Variants in PACRG observed in about 807,000 individuals in gnomAD.
The protein encoded by PACRG is parkin coregulated gene protein.
Under a neutral mutation model 29.7 loss-of-function variants are expected in PACRG, and 29 were observed. The observed-to-expected ratio is 0.98, with a 90% CI of 0.73 to 1.33. The LOEUF is 1.33. Ranked by LOEUF, PACRG falls within the 40% of genes most tolerant of loss-of-function variation. PACRG has a pLI of 0.00. For missense variants in PACRG, 279 were observed against 316.2 expected, an observed-to-expected ratio of 0.88 and a Z score of 0.89; for synonymous variants, 116 against 118.7, an observed-to-expected ratio of 0.98 and a Z score of 0.15.
At chr6:162,958,188 T>G (rs1463630560) in intron 2 of PACRG, among the ~76,000 whole-genome samples, 1 of 152,166 alleles carries the variant, frequency 6.6e-6, no homozygotes, top group Non-Finnish European at 1.5e-5. Context: ...GCTTTGGAGG[T>G]AGTGCTTTGC....
chr6:162,784,772 G>A (rs1011897183), intron 1 of PACRG, among the ~76,000 whole-genome samples: 5 of 152,148 alleles, frequency 3.3e-5, no homozygotes, highest in African/African-American at 1.2e-4. Context: ...CTGAGACTGT[G>A]GCTCTAGAGC....
intron 3 of PACRG, among the ~76,000 whole-genome samples, chr6:163,076,912 A>G (rs1812600762): frequency 6.6e-6 from 1 of 152,166 alleles, no homozygotes. Flanking sequence ...CACTTAGAAC[A>G]TAATGTTAGA....
At chr6:162,958,882 TATAGAGAGAGAGAGAGAGAG>T (rs1193260570) in intron 2 of PACRG, among the ~76,000 whole-genome samples, 11 of 15,114 alleles carry the variant, frequency 7.3e-4, no homozygotes, top group South Asian at 3.3e-3. Context: ...TATATATATA[TATAGAGAGAGAGAGAGAGAG>T]AGAGAGAGAG....
At chr6:163,293,050 ATTAT>A (rs750091246) in intron 4 of PACRG, among the ~76,000 whole-genome samples, 1 of 152,150 alleles carries the variant, frequency 6.6e-6, no homozygotes, top group Non-Finnish European at 1.5e-5. Context: ...GTATCCAGGG[ATTAT>A]TTGAGTCACC....
intron 2 of PACRG, among the ~76,000 whole-genome samples, chr6:162,965,707 T>C (rs1468431621): frequency 6.6e-6 from 1 of 152,128 alleles, no homozygotes; most frequent in African/African-American, 2.4e-5. Flanking sequence ...GAGTAAGGAA[T>C]GGATTATAGT....
chr6:162,932,124 T>TA (rs2128106996), intron 2 of PACRG, among the ~76,000 whole-genome samples: 1 of 152,028 alleles, frequency 6.6e-6, no homozygotes. Context: ...TGGATGCATC[T>TA]AAAAAAAGTA....
chr6:163,266,603 G>A (rs978292853), intron 4 of PACRG, among the ~76,000 whole-genome samples: 1 of 152,120 alleles, frequency 6.6e-6, no homozygotes, highest in African/African-American at 2.4e-5. Flanking sequence ...TCCTTCTCCT[G>A]ATTTTTTTGC....
intron 2 of PACRG, among the ~76,000 whole-genome samples, chr6:162,965,256 G>A (rs1800933112): frequency 6.6e-6 from 1 of 152,194 alleles, no homozygotes; most frequent in Non-Finnish European, 1.5e-5. Context: ...TGATGGCAGA[G>A]ACACCAGAAA....
chr6:163,128,895 C>T (rs1363812791), intron 4 of PACRG, among the ~76,000 whole-genome samples: 2 of 152,102 alleles, frequency 1.3e-5, no homozygotes, highest in Admixed American at 1.3e-4. Flanking sequence ...AATAAAAAAG[C>T]CCAGTGACAA....
chr6:162,919,962 G>T (rs1796952966), intron 2 of PACRG, among the ~76,000 whole-genome samples: 1 of 152,072 alleles, frequency 6.6e-6, no homozygotes, highest in African/African-American at 2.4e-5. Flanking sequence ...TGATCTCTCT[G>T]CCATGCCCAG....
At chr6:163,267,798 T>C (rs1029476198) in intron 4 of PACRG, among the ~76,000 whole-genome samples, 2 of 152,200 alleles carry the variant, frequency 1.3e-5, no homozygotes, top group Non-Finnish European at 2.9e-5. Context: ...ATACGGTCCC[T>C]AATAAATTAT....
intron 4 of PACRG, among the ~76,000 whole-genome samples, chr6:163,263,957 A>G (rs1783432292): frequency 6.6e-6 from 1 of 152,162 alleles, no homozygotes; most frequent in African/African-American, 2.4e-5. Context: ...AATATTTTGC[A>G]ATTTCCAAAG....
chr6:162,947,038 C>T (rs942510816), intron 2 of PACRG, among the ~76,000 whole-genome samples: 2 of 151,752 alleles, frequency 1.3e-5, no homozygotes, highest in African/African-American at 4.8e-5. Flanking sequence ...TGGGCAAAAG[C>T]TGGAAGCATT....
chr6:163,311,938 C>G (rs897398718), intron 4 of PACRG, among the ~76,000 whole-genome samples: 1 of 151,922 alleles, frequency 6.6e-6, no homozygotes, highest in Admixed American at 6.6e-5. Flanking sequence ...TTCCCTCCAT[C>G]AGGAAAATAT....
At chr6:162,798,622 A>G (rs1367335119) in intron 1 of PACRG, among the ~76,000 whole-genome samples, 1 of 152,200 alleles carries the variant, frequency 6.6e-6, no homozygotes, top group African/African-American at 2.4e-5. Flanking sequence ...TAGAAATTAT[A>G]TTAACTTTTG....
At chr6:163,094,141 T>C (rs1814360098) in intron 4 of PACRG, among the ~76,000 whole-genome samples, 2 of 152,202 alleles carry the variant, frequency 1.3e-5, no homozygotes, top group Non-Finnish European at 2.9e-5. Context: ...GGGAATGGAT[T>C]ACCAAACAAC....
chr6:163,032,446 T>G (rs1213147860), intron 2 of PACRG, among the ~76,000 whole-genome samples: 2 of 152,180 alleles, frequency 1.3e-5, no homozygotes, highest in Non-Finnish European at 2.9e-5. Flanking sequence ...CTTTGGAAGA[T>G]GATCAAAATA....
intron 4 of PACRG, among the ~76,000 whole-genome samples, chr6:163,251,274 A>C (rs534871382): frequency 2.0e-5 from 3 of 152,190 alleles, no homozygotes; most frequent in South Asian, 4.2e-4. Flanking sequence ...AATATTAATA[A>C]TAAAATTTAA....
intron 2 of PACRG, among the ~76,000 whole-genome samples, chr6:162,897,122 G>A (rs971675161): frequency 6.6e-6 from 1 of 152,126 alleles, no homozygotes; most frequent in Non-Finnish European, 1.5e-5. Flanking sequence ...TAGTTCCTGG[G>A]CAACAAAACT....
Sources: allele counts gnomAD v4.1 joint callset (sites outside exome capture counted in the v4.1 genomes callset), GRCh38; gene constraint gnomAD v4.1.1; transcripts MANE v1.5; gene names NCBI Gene and HGNC (gene_info 2026-07-23, HGNC 2026-07-21).